DCC: variants seen among roughly 807,000 people sequenced by gnomAD.
DCC encodes the protein netrin receptor DCC.
Under a neutral mutation model 172.5 loss-of-function variants are expected in DCC, and 58 were observed. The observed-to-expected ratio is 0.34, with a 90% CI of 0.27 to 0.42. DCC has a LOEUF of 0.42. Among genes scored for constraint, DCC ranks in the 10% least tolerant of loss-of-function variants. DCC has a pLI of 1.00. For synonymous variants in DCC, 709 were observed against 644.5 expected (o/e 1.10, Z -1.52); for missense variants, 1,740 against 1,791.0 (o/e 0.97, Z 0.51).
In DCC at chr18:53,091,835, CTATCTATCTATCTATCAATCTATCTATA is replaced by C. The variant is rs1169403878; in HGVS notation, c.1261+25673_1261+25700del. On this transcript the variant is annotated intron_variant, in intron 7 of 28. Coordinates refer to ENST00000442544, the MANE Select transcript of DCC (RefSeq NM_005215.4). Reference sequence around the variant, plus strand: ...TATATCTATCTATCTATCTATCTATCTATCTATCTATCTATCAATCTATCTATATATATATATATATCTACATAAATAT... The same window carrying C: ...TATATCTATCTATCTATCTATCTATCTATATATATATATCTACATAAATAT... Among the ~76,000 whole-genome samples the C allele has an allele frequency of 1.7e-3, 127 of 73,592 alleles. 1 individual carries two copies. In the East Asian group the frequency reaches 0.1, roughly 60 times the overall value. The allele number at this position is 73,592 out of a possible 152,430, so 48.3% of individuals were successfully genotyped here. A position where few individuals can be genotyped will look rare whatever the true frequency, so the allele number is the denominator to read the frequency against.
chr18:52,857,695 T>G (rs374675233), intron 2 of DCC, among the ~76,000 whole-genome samples: 5 of 152,168 alleles, frequency 3.3e-5, no homozygotes, highest in South Asian at 2.1e-4. Flanking sequence ...CTCTGGTGGT[T>G]GTTTTTATTA....
At chr18:52,830,365 T>A (rs111633238) in intron 2 of DCC, among the ~76,000 whole-genome samples, 1 of 152,192 alleles carries the variant, frequency 6.6e-6, no homozygotes, top group Admixed American at 6.5e-5. Context: ...TCTAGTGTGT[T>A]CCAATGAAGC....
At chr18:52,950,149 T>C (rs2040613108) in intron 5 of DCC, among the ~76,000 whole-genome samples, 1 of 152,202 alleles carries the variant, frequency 6.6e-6, no homozygotes, top group Admixed American at 6.5e-5. Flanking sequence ...TTTTTATACT[T>C]CTCTCCATCA....
chr18:52,874,881 T>C (rs922816223), intron 2 of DCC, among the ~76,000 whole-genome samples: 3 of 152,062 alleles, frequency 2.0e-5, no homozygotes, highest in African/African-American at 7.2e-5. Context: ...TCTAGAGCCT[T>C]TACTGGTGTT....
intron 9 of DCC, among the ~76,000 whole-genome samples, chr18:53,180,720 G>A (rs2055182174): frequency 6.6e-6 from 1 of 152,134 alleles, no homozygotes; most frequent in South Asian, 2.1e-4. Context: ...CTGGAGTGCA[G>A]TGGCACAATC....
chr18:53,227,962 C>G (rs1209368357), intron 12 of DCC, among the ~76,000 whole-genome samples: 1 of 152,118 alleles, frequency 6.6e-6, no homozygotes, highest in Non-Finnish European at 1.5e-5. Context: ...ATGCCTTATA[C>G]TAACTTTAAA....
At chr18:52,783,464 C>A (rs1233236396) in intron 2 of DCC, among the ~76,000 whole-genome samples, 1 of 149,368 alleles carries the variant, frequency 6.7e-6, no homozygotes, top group Non-Finnish European at 1.5e-5. Context: ...TGAGACCTAA[C>A]AACACCCTCT....
chr18:52,914,793 C>T (rs1159111513), intron 3 of DCC, among the ~76,000 whole-genome samples: 1 of 152,044 alleles, frequency 6.6e-6, no homozygotes, highest in African/African-American at 2.4e-5. Context: ...AGCAGGTGAA[C>T]AGTAGGTTAG....
intron 1 of DCC, among the ~76,000 whole-genome samples, chr18:52,504,654 T>C (rs1382510949): frequency 6.6e-6 from 1 of 152,170 alleles, no homozygotes; most frequent in Admixed American, 6.6e-5. Flanking sequence ...AATTAAGTGA[T>C]AGTCAGAAGT....
chr18:52,359,540 C>A (rs750279522), intron 1 of DCC, among the ~76,000 whole-genome samples: 8 of 152,126 alleles, frequency 5.3e-5, no homozygotes, highest in Non-Finnish European at 1.0e-4. Flanking sequence ...ATTACCACCC[C>A]CTTCCTCCTT....
chr18:53,181,995 C>A (rs1030609853), intron 9 of DCC, among the ~76,000 whole-genome samples: 19 of 152,188 alleles, frequency 1.2e-4, no homozygotes, highest in Non-Finnish European at 2.5e-4. Context: ...CATGTCTATG[C>A]TTTATATATC....
At chr18:53,511,870 G>C (rs964833989) in intron 27 of DCC, among the ~76,000 whole-genome samples, 1 of 152,202 alleles carries the variant, frequency 6.6e-6, no homozygotes, top group Non-Finnish European at 1.5e-5. Context: ...AAACTGCAAG[G>C]CGGCAGCGAG....
chr18:52,637,230 C>A (rs1029133262), intron 1 of DCC, among the ~76,000 whole-genome samples: 4 of 152,122 alleles, frequency 2.6e-5, no homozygotes, highest in Non-Finnish European at 4.4e-5. Flanking sequence ...GAACCAGAAA[C>A]CCAACCCTGG....
chr18:52,525,314 C>T (rs1396639873), intron 1 of DCC, among the ~76,000 whole-genome samples: 1 of 152,158 alleles, frequency 6.6e-6, no homozygotes, highest in African/African-American at 2.4e-5. Context: ...TCCAAACTAG[C>T]CTGGTAGAAC....
At chr18:52,954,955 ATAACAT>A (rs2040717491) in intron 5 of DCC, among the ~76,000 whole-genome samples, 1 of 152,184 alleles carries the variant, frequency 6.6e-6, no homozygotes, top group Non-Finnish European at 1.5e-5. Flanking sequence ...CGGAGTTCTC[ATAACAT>A]TCCCTATTTT....
intron 16 of DCC, 138 bp downstream of exon 16, chr18:53,386,276 T>C (rs998572697): frequency 2.9e-5 from 20 of 689,344 alleles, no homozygotes; most frequent in Non-Finnish European, 5.1e-6. Context: ...AGAATAATTA[T>C]CCTCTGAGTC....
chr18:53,345,130 AT>A (rs1402067318), intron 15 of DCC, among the ~76,000 whole-genome samples: 1 of 151,412 alleles, frequency 6.6e-6, no homozygotes, highest in African/African-American at 2.4e-5. Context: ...ATTTAATATA[AT>A]TTTTATATAT....
intron 12 of DCC, among the ~76,000 whole-genome samples, chr18:53,231,669 G>A (rs537404550): frequency 1.3e-5 from 2 of 152,018 alleles, no homozygotes; most frequent in Non-Finnish European, 2.9e-5. Flanking sequence ...ATATTTAAGG[G>A]AGTATTAATT....
At chr18:52,986,896 C>G (rs2041305384) in intron 5 of DCC, among the ~76,000 whole-genome samples, 1 of 151,718 alleles carries the variant, frequency 6.6e-6, no homozygotes, top group Non-Finnish European at 1.5e-5. Flanking sequence ...GATCTCAGCT[C>G]ACTGCAACCT....
Sources: gnomAD v4.1 joint callset for allele counts (sites outside exome capture counted in the v4.1 genomes callset) on GRCh38, gnomAD v4.1.1 for gene constraint, MANE v1.5 for transcripts, NCBI Gene and HGNC (gene_info 2026-07-23, HGNC 2026-07-21) for gene names.